SLC26A5: variants seen among roughly 807,000 people sequenced by gnomAD.
SLC26A5 encodes the protein prestin.
A neutral mutation model predicts 81.0 loss-of-function variants in SLC26A5; 51 were observed. The observed-to-expected ratio is 0.63, with a 90% confidence interval of 0.50 to 0.80. The LOEUF is 0.80. Among genes scored for constraint, SLC26A5 ranks in the 30% least tolerant of loss-of-function variants. The pLI, the probability that SLC26A5 is intolerant of heterozygous loss-of-function variation, is 0.00. For missense variants in SLC26A5, 771 were observed against 905.8 expected (o/e 0.85, Z 1.91); for synonymous variants, 325 against 332.8 (o/e 0.98, Z 0.25).
rs1035472092 is a variant in SLC26A5 at position 103,393,123 on chromosome 7, A to C, written c.972-57T>G. The stretch of plus-strand genomic sequence containing the variant: ...GTGACCACAAGGGAAAAGAAAAAAA[A>C]CCTTGCGACTGCAGGGAAGCATTTT... On this transcript the variant is annotated intron_variant, in intron 9 of 19. Coordinates refer to ENST00000306312, the MANE Select transcript of SLC26A5 (RefSeq NM_198999.3). 4.4e-6 allele frequency: 7 copies of C among 1,605,260 alleles called. No individual in the cohort carries two copies. In the African/African-American group the frequency reaches 9.4e-5, roughly 22 times the overall value.
chr7:103,388,481 G>A (rs1004816769), intron 14 of SLC26A5: 11 of 198,708 alleles, frequency 5.5e-5, no homozygotes, highest in Admixed American at 3.7e-4. Context: ...GATTACAGGC[G>A]TGAGCCACTG....
chr7:103,414,673 A>G (rs988894267), intron 4 of SLC26A5, among the ~76,000 whole-genome samples: 1 of 152,218 alleles, frequency 6.6e-6, no homozygotes, highest in African/African-American at 2.4e-5. Context: ...ACTGAAGGCC[A>G]TCTTGATTGC....
At chr7:103,422,588 A>T (rs146935720) in intron 2 of SLC26A5, among the ~76,000 whole-genome samples, 7 of 152,324 alleles carry the variant, frequency 4.6e-5, no homozygotes, top group Admixed American at 1.3e-4. Flanking sequence ...AGAGAGGGAA[A>T]TGAGACTAAG....
intron 2 of SLC26A5, among the ~76,000 whole-genome samples, chr7:103,425,202 C>G (rs1272643204): frequency 6.6e-6 from 1 of 152,162 alleles, no homozygotes; most frequent in Admixed American, 6.5e-5. Context: ...TTTCATTAAG[C>G]AGAGCAATTA....
At chr7:103,383,090 C>A (rs10268808) in intron 14 of SLC26A5, among the ~76,000 whole-genome samples, 30,026 of 152,134 alleles carry the variant, frequency 0.2, 3,632 homozygotes, top group African/African-American at 0.34. Context: ...TCACTTCTGC[C>A]AACAAGATGC....
intron 9 of SLC26A5, among the ~76,000 whole-genome samples, chr7:103,397,500 C>T (rs1369468094): frequency 4.3e-5 from 6 of 140,592 alleles, no homozygotes; most frequent in African/African-American, 1.6e-4. Flanking sequence ...GAGATCATGC[C>T]ACTGCACTCC....
intron 19 of SLC26A5, among the ~76,000 whole-genome samples, chr7:103,361,684 T>C (rs554603170): frequency 3.7e-4 from 57 of 152,200 alleles, no homozygotes; most frequent in Non-Finnish European, 6.9e-4. Context: ...AATAAAGGAA[T>C]ACAAACTATG....
At position 103,379,297 on chromosome 7, in the gene SLC26A5, A is replaced by T. The variant is rs749319198; in HGVS notation, c.1623T>A (p.Asn541Lys). 1.9e-6 allele frequency: 3 copies of T among 1,610,806 alleles called. No homozygotes were observed. In the African/African-American group the frequency reaches 4.0e-5, roughly 22 times the overall value. ...CGCTATTTGCATAGTAAATTGGTGC[A>T]TTTATTTGAAATATTTTTATTCCAG... ...EIPGIKIFQI[N>K]APIYYANSDL... Residue 541 changes from asparagine (N) to lysine (K), a missense_variant, in exon 16 of 20, where the codon AAT becomes AAA. By Grantham distance (94) the Asn-to-Lys change is moderately conservative. Coordinates refer to ENST00000306312, the MANE Select transcript of SLC26A5 (RefSeq NM_198999.3).
chr7:103,441,649 G>A (rs1295406717), intron 2 of SLC26A5, among the ~76,000 whole-genome samples: 1 of 152,146 alleles, frequency 6.6e-6, no homozygotes, highest in Non-Finnish European at 1.5e-5. Context: ...ATCACTTCAA[G>A]GAGAAAATTT....
At chr7:103,371,394 G>A (rs553895911), downstream of SLC26A5, among the ~76,000 whole-genome samples, 12 of 149,710 alleles carry the variant, frequency 8.0e-5, no homozygotes, top group East Asian at 2.0e-4. Context: ...GCGCGATCTC[G>A]GCTCACTGCA....
downstream of SLC26A5, among the ~76,000 whole-genome samples, chr7:103,372,796 G>A (rs1280395354): frequency 6.6e-6 from 1 of 150,390 alleles, no homozygotes; most frequent in Non-Finnish European, 1.5e-5. Context: ...GACAATTTGA[G>A]CATCGAAAAG....
At chr7:103,363,861 A>T (rs1349736762) in intron 19 of SLC26A5, among the ~76,000 whole-genome samples, 1 of 152,178 alleles carries the variant, frequency 6.6e-6, no homozygotes, top group African/African-American at 2.4e-5. Context: ...AATTTTTTTT[A>T]AATTAGGAAA....
chr7:103,365,048 CA>C (rs1180164223), intron 19 of SLC26A5, among the ~76,000 whole-genome samples: 2 of 146,992 alleles, frequency 1.4e-5, no homozygotes, highest in Admixed American at 6.9e-5. Flanking sequence ...CGTATATTTA[CA>C]ATAAGAATTA....
In SLC26A5 at chr7:103,367,941, A is replaced by G; in HGVS notation, c.2041+8867T>C. The G allele has an allele frequency of 1.9e-6, 3 of 1,614,140 alleles. No individual in the cohort carries two copies. The highest frequency in any genetic ancestry group is 1.7e-5 in the Admixed American group (1 of 60,014). ...CTGCACAGAGGCTGGTATGTTTGCCATCAGAGCACGGCGAAAAATTGCTAC... is the reference window on the plus strand; with the variant it reads ...CTGCACAGAGGCTGGTATGTTTGCCGTCAGAGCACGGCGAAAAATTGCTAC... On this transcript the variant is annotated intron_variant, in intron 19 of 19. Transcript: ENST00000339444. The surrounding 1 kb of genome is among the most constrained non-coding windows in gnomAD (Gnocchi z 6.1).
intron 9 of SLC26A5, 68 bp downstream of exon 9, chr7:103,397,864 G>A: frequency 8.7e-7 from 1 of 1,146,254 alleles, no homozygotes; most frequent in Admixed American, 1.7e-5. Flanking sequence ...GAGAACTAAT[G>A]TAAGAGTTAG....
rs374760578 is a variant in SLC26A5, at chr7:103,426,658, G to A, written c.-53-5091C>T. ...TTCAAGGACATTTCAACTGGGAAAGGAAAGGAGAAGATGTTGTAATGAAAG... is the reference window on the plus strand; with the variant it reads ...TTCAAGGACATTTCAACTGGGAAAGAAAAGGAGAAGATGTTGTAATGAAAG... On this transcript the variant is annotated intron_variant, in intron 2 of 19. Transcript: ENST00000306312. 1.3e-4 allele frequency among the ~76,000 whole-genome samples: 20 copies of A among 152,286 alleles called. No homozygotes were observed. The East Asian group carries it at 1.9e-3, about 15-fold the overall frequency.
At chr7:103,357,549 G>A (rs1300968610) in intron 19 of SLC26A5, among the ~76,000 whole-genome samples, 1 of 152,104 alleles carries the variant, frequency 6.6e-6, no homozygotes, top group Admixed American at 6.6e-5. Context: ...CATGGAAGAT[G>A]AGGATTTTGT....
At position 103,376,673 on chromosome 7, in the gene SLC26A5, A is replaced by G. The variant is rs935545640; in HGVS notation, c.2041+135T>C. 1.3e-5 allele frequency: 9 copies of G among 691,648 alleles called. No individual in the cohort carries two copies. The African/African-American group carries it at 1.7e-4, about 13-fold the overall frequency. The allele number at this position is 691,648 out of a possible 1,614,324, so 42.8% of individuals were successfully genotyped here. A position where few individuals can be genotyped will look rare whatever the true frequency, so the allele number is the denominator to read the frequency against. ...TGTGGCTAATTTCAAAGCTGGCTTTAGAGTGATTTTTCAGAAGAACAATTT... is the reference window on the plus strand; with the variant it reads ...TGTGGCTAATTTCAAAGCTGGCTTTGGAGTGATTTTTCAGAAGAACAATTT... On this transcript the variant is annotated intron_variant, in intron 19 of 19. Transcript: ENST00000306312.
At chr7:103,372,153 GTGA>G (rs1451424177), downstream of SLC26A5, among the ~76,000 whole-genome samples, 16 of 152,172 alleles carry the variant, frequency 1.1e-4, no homozygotes, top group Admixed American at 1.0e-3. Flanking sequence ...ATCTGATCTC[GTGA>G]TGATTGCAAA....
Sources: allele counts gnomAD v4.1 joint callset (sites outside exome capture counted in the v4.1 genomes callset), GRCh38; gene constraint gnomAD v4.1.1; non-coding constraint Gnocchi (gnomAD v3.1); transcripts MANE v1.5; gene names NCBI Gene and HGNC (gene_info 2026-07-23, HGNC 2026-07-21).